Variants in TRIOBP observed in about 807,000 individuals in gnomAD.
The protein encoded by TRIOBP is TRIO and F-actin binding protein.
TRIOBP carries 169 observed loss-of-function variants against 238.8 expected under a neutral mutation model. The ratio of observed to expected loss-of-function variants is 0.71; its 90% CI spans 0.62 to 0.80. The LOEUF is 0.80. Ranked by LOEUF, TRIOBP falls within the 30% of genes least tolerant of loss-of-function variation. The pLI, the probability that TRIOBP is intolerant of heterozygous loss-of-function variation, is 0.00. For synonymous variants in TRIOBP, 1,150 were observed against 1,274.4 expected (o/e 0.90, Z 2.08); for missense variants, 2,838 against 3,122.6 (o/e 0.91, Z 2.17).
chr22:37,711,396 T>C (rs1923227125), intron 4 of TRIOBP, among the ~76,000 whole-genome samples: 1 of 151,812 alleles, frequency 6.6e-6, no homozygotes, highest in African/African-American at 2.4e-5. Flanking sequence ...CTGACCAACA[T>C]GGCGAAACCC....
intron 11 of TRIOBP, among the ~76,000 whole-genome samples, chr22:37,747,704 C>T (rs975712523): frequency 6.6e-6 from 1 of 152,254 alleles, no homozygotes; most frequent in African/African-American, 2.4e-5. Flanking sequence ...GCCCGGCCCT[C>T]AGCCGGGTGC....
rs148457520 is a variant in TRIOBP, at chr22:37,742,323, C to T, written c.5322+1291C>T. 4.1e-5 allele frequency among the ~76,000 whole-genome samples: 6 copies of T among 148,124 alleles called. No individual in the cohort carries two copies. In the East Asian group the frequency reaches 1.0e-3, roughly 25 times the overall value. On this transcript the variant is annotated intron_variant, in intron 11 of 23. Transcript: ENST00000644935. ...CTACCCCCAGACTGGAGTGCAGTGG[C>T]ACCATCTCGGCTCACTGCAACCTCT...
intron 9 of TRIOBP, among the ~76,000 whole-genome samples, chr22:37,737,728 T>C (rs1924742104): frequency 1.3e-5 from 2 of 151,828 alleles, no homozygotes; most frequent in Middle Eastern, 3.5e-3. Context: ...CCACTCCGGA[T>C]TTGCCTCATT....
At chr22:37,710,915 A>C (rs1414252781) in intron 4 of TRIOBP, among the ~76,000 whole-genome samples, 2 of 152,226 alleles carry the variant, frequency 1.3e-5, no homozygotes, top group Non-Finnish European at 2.9e-5. Flanking sequence ...GGGCATGGCC[A>C]CAGCCTACTC....
intron 7 of TRIOBP, among the ~76,000 whole-genome samples, chr22:37,731,315 T>G (rs1453627832): frequency 6.6e-6 from 1 of 151,632 alleles, no homozygotes; most frequent in African/African-American, 2.4e-5. Flanking sequence ...TTAAAAAAAT[T>G]TTTTTTTCCT....
At chr22:37,748,588 A>AT (rs1555899219) in intron 11 of TRIOBP, among the ~76,000 whole-genome samples, 71 of 148,240 alleles carry the variant, frequency 4.8e-4, no homozygotes, top group Middle Eastern at 3.4e-3. Context: ...TTAAAAAAAA[A>AT]TTTTTTTTTC....
intron 12 of TRIOBP, among the ~76,000 whole-genome samples, chr22:37,753,914 C>T (rs1266359095): frequency 6.6e-6 from 1 of 152,142 alleles, no homozygotes; most frequent in African/African-American, 2.4e-5. Flanking sequence ...GTGGAGTGAC[C>T]AGAAGCCCAG....
intron 11 of TRIOBP, among the ~76,000 whole-genome samples, chr22:37,744,983 A>G (rs1210818898): frequency 6.6e-6 from 1 of 151,966 alleles, no homozygotes; most frequent in Non-Finnish European, 1.5e-5. Context: ...CTCCTGCCTC[A>G]GCCTTTTACA....
At chr22:37,768,304 C>A in intron 19 of TRIOBP, 128 bp downstream of exon 19, 1 of 793,142 alleles carries the variant, frequency 1.3e-6, no homozygotes, top group Non-Finnish European at 2.1e-6. Context: ...CTCATGGATG[C>A]AAGAAACAGA....
chr22:37,701,632 G>A (rs1462061418), intron 3 of TRIOBP, among the ~76,000 whole-genome samples, 153 bp downstream of exon 3: 1 of 152,178 alleles, frequency 6.6e-6, no homozygotes, highest in East Asian at 1.9e-4. Flanking sequence ...GGAAGTGGTT[G>A]AACCATGTGA....
intron 17 of TRIOBP, among the ~76,000 whole-genome samples, chr22:37,762,728 A>T (rs1926306692): frequency 6.6e-6 from 1 of 152,154 alleles, no homozygotes; most frequent in Admixed American, 6.5e-5. Context: ...GAGCTGAGTC[A>T]TCTGTATCGC....
rs1924073282 is a variant in TRIOBP, at chr22:37,725,224, A to C, written c.2668A>C (p.Asn890His). ...ATCTCCCCACCGCTCCACTCAATGG[A>C]ACAATCCCAGGAATTCATCTCCCCA... The part of the protein sequence containing the change: ...PSSPHRSTQW[N>H]NPRNSSPHRT... The change falls in exon 7 of 24, where the codon AAC becomes CAC. Residue 890 changes from asparagine to histidine, a missense_variant. Coordinates refer to ENST00000644935, the MANE Select transcript of TRIOBP (RefSeq NM_001039141.3). 1.2e-6 allele frequency: 2 copies of C among 1,613,960 alleles called. No individual in the cohort carries two copies. Among genetic ancestry groups the C allele is most frequent in the Non-Finnish European group, 1.7e-6 (2 of 1,179,990 alleles).
At chr22:37,746,051 G>A (rs1482409938) in intron 11 of TRIOBP, among the ~76,000 whole-genome samples, 1 of 101,602 alleles carries the variant, frequency 9.8e-6, no homozygotes, top group African/African-American at 4.2e-5. Flanking sequence ...CCACCCCGCC[G>A]TCCCGCCGTC....
intron 3 of TRIOBP, among the ~76,000 whole-genome samples, chr22:37,708,710 C>T (rs181860937): frequency 2.0e-5 from 3 of 152,306 alleles, no homozygotes; most frequent in Middle Eastern, 3.4e-3. Context: ...CCTCCATTTC[C>T]GAGAGGAGAA....
chr22:37,751,002 A>G (rs1173240057), intron 11 of TRIOBP: 2 of 373,982 alleles, frequency 5.3e-6, no homozygotes, highest in Non-Finnish European at 5.5e-6. Context: ...CGGGACTTAG[A>G]TGAGAGAGGT....
At chr22:37,766,007 G>A (rs1032835443) in intron 18 of TRIOBP, among the ~76,000 whole-genome samples, 190 bp downstream of exon 18, 2 of 152,158 alleles carry the variant, frequency 1.3e-5, no homozygotes, top group African/African-American at 2.4e-5. Context: ...GGGAAACTGA[G>A]GCAGTAAAAG....
rs1451530554 is a variant in TRIOBP, at chr22:37,725,364, C to T, written c.2808C>T (p.Ser936=). The T allele has an allele frequency of 5.0e-6, 8 of 1,613,000 alleles. No individual in the cohort carries two copies. The highest frequency in any genetic ancestry group is 6.8e-6 in the Non-Finnish European group (8 of 1,179,310). ...RSKQSEVPWA[S]IALRPTQGDR... is the part of the protein sequence containing the mutation. ...AGCAAAGCGAGGTTCCCTGGGCATC[C>T]ATCGCCCTCCGGCCAACCCAAGGTG... Residue 936 remains serine, a synonymous_variant, in exon 7 of 24, where the codon TCC becomes TCT. Coordinates refer to ENST00000644935, the MANE Select transcript of TRIOBP (RefSeq NM_001039141.3).
chr22:37,759,202 G>C lies in TRIOBP; in HGVS notation c.6262G>C (p.Ala2088Pro). 6.2e-7 allele frequency: 1 copy of C among 1,613,076 alleles called. No individual in the cohort carries two copies. Among genetic ancestry groups the C allele is most frequent in the African/African-American group, 1.3e-5 (1 of 75,020 alleles). The change falls in exon 17 of 24, where the codon GCT becomes CCT. Residue 2088 changes from alanine to proline, a missense_variant. This residue lies in a region of TRIOBP where 2,096 missense variants were observed against 2,137.4 expected (regional missense o/e 0.98). Transcript: ENST00000644935. ...QLEAWRLQGE[A>P]PQSALRSQED... ...GGAGGCGTGGCGTCTCCAAGGGGAGGCTCCTCAGAGTGCACTGAGATCCCA... is the reference window on the plus strand; with the variant it reads ...GGAGGCGTGGCGTCTCCAAGGGGAGCCTCCTCAGAGTGCACTGAGATCCCA...
Position 37,726,021 on chromosome 22 carries a change from C to T in TRIOBP, c.3465C>T (p.His1155=), listed in dbSNP as rs200646548. 91 of 1,606,988 alleles carry T rather than the reference C, an allele frequency of 5.7e-5. No individual in the cohort carries two copies. In the Middle Eastern group the frequency reaches 6.6e-4, roughly 12 times the overall value. Reference sequence around the variant, plus strand: ...TTGTCCCTTCCATGGACTCTCTGCACGAGTGCCCCCACATCCCCACCCCTG... The same window carrying T: ...TTGTCCCTTCCATGGACTCTCTGCATGAGTGCCCCCACATCCCCACCCCTG... The part of the protein sequence containing the change: ...ESLVPSMDSL[H]ECPHIPTPVC... Residue 1155 remains histidine (H), a synonymous_variant, in exon 7 of 24, where the codon CAC becomes CAT. Transcript: ENST00000644935.
Sources: allele counts gnomAD v4.1 joint callset (sites outside exome capture counted in the v4.1 genomes callset), GRCh38; gene constraint gnomAD v4.1.1; regional missense constraint gnomAD v4.1.1; transcripts MANE v1.5; gene names NCBI Gene and HGNC (gene_info 2026-07-23, HGNC 2026-07-21).